Variants in PRKCE observed in about 807,000 individuals in gnomAD.
PRKCE encodes protein kinase C epsilon, also known as protein kinase C epsilon type.
Under a neutral mutation model 85.4 loss-of-function variants are expected in PRKCE, and 16 were observed. That is an observed-to-expected ratio of 0.19 (90% confidence interval 0.13 to 0.28). PRKCE has a LOEUF of 0.28. PRKCE is among the 10% of genes least tolerant of loss of function. The pLI is 1.00. For synonymous variants in PRKCE, 388 were observed against 371.5 expected (o/e 1.04, Z -0.51); for missense variants, 573 against 975.2 (o/e 0.59, Z 5.49).
chr2:45,719,941 G>A (rs1020250497), intron 1 of PRKCE, among the ~76,000 whole-genome samples: 5 of 152,116 alleles, frequency 3.3e-5, no homozygotes, highest in Admixed American at 6.6e-5. Context: ...CAACAACAAC[G>A]ACAACAACAA....
At chr2:45,841,798 G>A (rs192989504) in intron 1 of PRKCE, among the ~76,000 whole-genome samples, 48 of 152,370 alleles carry the variant, frequency 3.2e-4, no homozygotes, top group Middle Eastern at 3.4e-3. Flanking sequence ...GAGAGGAGGT[G>A]ATAATTGACC....
intron 1 of PRKCE, among the ~76,000 whole-genome samples, chr2:45,703,421 C>A (rs1678843065): frequency 6.6e-6 from 1 of 151,926 alleles, no homozygotes; most frequent in South Asian, 2.1e-4. Flanking sequence ...ACTTGTAGTC[C>A]CAGCTACTCG....
chr2:45,957,073 C>T (rs2104385668), intron 2 of PRKCE, among the ~76,000 whole-genome samples: 1 of 152,174 alleles, frequency 6.6e-6, no homozygotes, highest in Middle Eastern at 3.4e-3. Context: ...AATATTTTTT[C>T]CCATTTTGAT....
intron 1 of PRKCE, among the ~76,000 whole-genome samples, chr2:45,671,575 C>T (rs757138333): frequency 1.2e-4 from 18 of 152,180 alleles, no homozygotes; most frequent in Non-Finnish European, 2.4e-4. Flanking sequence ...GCCTTCCATT[C>T]CCCTCTGCCT....
chr2:45,867,757 A>G (rs1365353777), intron 2 of PRKCE, among the ~76,000 whole-genome samples: 3 of 151,990 alleles, frequency 2.0e-5, no homozygotes, highest in African/African-American at 7.3e-5. Context: ...GTGTGTGCTA[A>G]TGTGTTTTTA....
intron 2 of PRKCE, among the ~76,000 whole-genome samples, chr2:45,916,677 C>G (rs559086223): frequency 1.3e-5 from 2 of 152,292 alleles, no homozygotes; most frequent in South Asian, 4.1e-4. Flanking sequence ...GATTACAGTA[C>G]ATTTAAAAGA....
At chr2:46,183,442 T>C (rs960951658) in intron 14 of PRKCE, among the ~76,000 whole-genome samples, 1 of 152,266 alleles carries the variant, frequency 6.6e-6, no homozygotes, top group Admixed American at 6.5e-5. Context: ...TCCACAAGAT[T>C]TATTCCATCA....
At chr2:46,120,231 C>T (rs923068917) in intron 11 of PRKCE, among the ~76,000 whole-genome samples, 3 of 152,180 alleles carry the variant, frequency 2.0e-5, no homozygotes, top group African/African-American at 7.2e-5. Context: ...TCTTGATGTT[C>T]CTCTAGCATA....
intron 1 of PRKCE, among the ~76,000 whole-genome samples, chr2:45,734,594 C>G (rs1681885330): frequency 6.6e-6 from 1 of 152,200 alleles, no homozygotes; most frequent in African/African-American, 2.4e-5. Flanking sequence ...TGAGGTTACA[C>G]AGGTCCGTGT....
intron 11 of PRKCE, among the ~76,000 whole-genome samples, chr2:46,130,461 C>T (rs141278660): frequency 1.7e-3 from 259 of 152,202 alleles, no homozygotes; most frequent in African/African-American, 5.9e-3. Context: ...ATGTTGTCTG[C>T]GTACAGTCTC....
chr2:46,156,754 A>T (rs1189501182), intron 13 of PRKCE, among the ~76,000 whole-genome samples: 1 of 152,176 alleles, frequency 6.6e-6, no homozygotes, highest in Non-Finnish European at 1.5e-5. Context: ...TAGGCCTTAA[A>T]TATTTCATTA....
At chr2:45,682,616 C>G (rs1253801257) in intron 1 of PRKCE, among the ~76,000 whole-genome samples, 1 of 151,604 alleles carries the variant, frequency 6.6e-6, no homozygotes, top group East Asian at 1.9e-4. Context: ...GATGGAGTTT[C>G]ACTCTTGTTG....
chr2:45,858,806 C>T (rs1692895520), intron 2 of PRKCE, among the ~76,000 whole-genome samples: 1 of 151,886 alleles, frequency 6.6e-6, no homozygotes, highest in South Asian at 2.1e-4. Context: ...TTTGGGAGGC[C>T]AAGGCGGGCG....
intron 13 of PRKCE, among the ~76,000 whole-genome samples, chr2:46,152,491 CA>C (rs1184029562): frequency 1.3e-5 from 2 of 151,764 alleles, no homozygotes. Context: ...CTGTATTTTA[CA>C]AAGAAATTTT....
intron 1 of PRKCE, among the ~76,000 whole-genome samples, chr2:45,806,838 G>C (rs1050586179): frequency 6.6e-6 from 1 of 152,188 alleles, no homozygotes; most frequent in African/African-American, 2.4e-5. Flanking sequence ...GGAGGGGAAG[G>C]CTGGGGAAGC....
intron 2 of PRKCE, among the ~76,000 whole-genome samples, chr2:45,863,894 G>T (rs915256487): frequency 2.0e-5 from 3 of 152,144 alleles, no homozygotes; most frequent in Non-Finnish European, 4.4e-5. Context: ...TCTAAAAGGG[G>T]GCATTGCATC....
At chr2:46,008,395 A>G (rs1298046540) in intron 9 of PRKCE, among the ~76,000 whole-genome samples, 1 of 152,218 alleles carries the variant, frequency 6.6e-6, no homozygotes, top group Non-Finnish European at 1.5e-5. Flanking sequence ...TAGAAAGAAG[A>G]TGAAGGGGCA....
intron 11 of PRKCE, among the ~76,000 whole-genome samples, chr2:46,087,750 T>A (rs1215278193): frequency 6.6e-6 from 1 of 152,224 alleles, no homozygotes; most frequent in African/African-American, 2.4e-5. Context: ...GGTCAGTGTA[T>A]CACGAAGCTG....
At chr2:45,703,908 G>T (rs1191407667) in intron 1 of PRKCE, among the ~76,000 whole-genome samples, 1 of 152,142 alleles carries the variant, frequency 6.6e-6, no homozygotes, top group African/African-American at 2.4e-5. Context: ...TTATATTACT[G>T]GTATTGAAAT....
Sources: allele counts gnomAD v4.1 joint callset (sites outside exome capture counted in the v4.1 genomes callset), GRCh38; gene constraint gnomAD v4.1.1; transcripts MANE v1.5; gene names NCBI Gene and HGNC (gene_info 2026-07-23, HGNC 2026-07-21).